CTNNBIP1: variants seen among roughly 807,000 people sequenced by gnomAD.
The protein encoded by CTNNBIP1 is beta-catenin-interacting protein 1.
A neutral mutation model predicts 11.8 loss-of-function variants in CTNNBIP1; 7 were observed. That is an observed-to-expected ratio of 0.60 (90% CI 0.34 to 1.12). The LOEUF (loss-of-function observed/expected upper bound fraction) is 1.12, where lower values mean the gene tolerates loss of function less well. CTNNBIP1 is among the 50% of genes most tolerant of loss of function. CTNNBIP1 has a pLI of 0.03. For synonymous variants in CTNNBIP1, 58 were observed against 43.9 expected, an observed-to-expected ratio of 1.32 and a Z score of -1.26; for missense variants, 101 against 113.4, an observed-to-expected ratio of 0.89 and a Z score of 0.50.
intron 1 of CTNNBIP1, among the ~76,000 whole-genome samples, chr1:9,886,828 G>A (rs1639196370): frequency 1.3e-5 from 2 of 152,168 alleles, no homozygotes; most frequent in African/African-American, 4.8e-5. Context: ...TCAAAAAAGG[G>A]AGTGCCAGAG....
rs1023136698 is a variant in CTNNBIP1, at chr1:9,850,375, G to A, written c.*343C>T. 5 of 220,108 alleles carry A rather than the reference G, an allele frequency of 2.3e-5. No homozygotes were observed. Among genetic ancestry groups the A allele is most frequent in the Admixed American group, 1.6e-4 (3 of 18,930 alleles). 13.6% of individuals were successfully genotyped at this position (220,108 alleles called of 1,614,324 possible). ...TGACCTAACTAAAGCACCAGAGCTC[G>A]GAGAGCTTCCAGGGAAGCCAGATAC... On this transcript the variant is annotated 3_prime_UTR_variant, in exon 6 of 6. Coordinates refer to ENST00000377263, the MANE Select transcript of CTNNBIP1 (RefSeq NM_020248.3).
Position 9,871,937 on chromosome 1 carries a change from G to A in CTNNBIP1, c.96+32C>T, listed in dbSNP as rs1282832401. On this transcript the variant is annotated intron_variant, in intron 4 of 5. Coordinates refer to ENST00000377263, the MANE Select transcript of CTNNBIP1 (RefSeq NM_020248.3). The surrounding 1 kb of genome is among the most constrained non-coding windows in gnomAD (Gnocchi z 5.2). ...CCCTCCCTGGGAGACCCTCCCTGGG[G>A]GCCCGCTGCCTGACACCCCACAGGC... The A allele has an allele frequency of 3.1e-6, 5 of 1,589,438 alleles. No individual in the cohort carries two copies. In the South Asian group the frequency reaches 4.4e-5, roughly 14 times the overall value.
chr1:9,895,251 T>C (rs987717506), intron 1 of CTNNBIP1, among the ~76,000 whole-genome samples: 1 of 151,044 alleles, frequency 6.6e-6, no homozygotes, highest in Non-Finnish European at 1.5e-5. Context: ...CACGCTGGAA[T>C]GTAATGGCAC....
Position 9,849,169 on chromosome 1 carries a change from G to T in CTNNBIP1, c.*1549C>A, listed in dbSNP as rs958254303. On this transcript the variant is annotated 3_prime_UTR_variant, in exon 6 of 6. Transcript: ENST00000377263. The stretch of plus-strand genomic sequence containing the variant: ...GAGGACCACCTCCCTCCCAGGGAAG[G>T]GGGTGGCAGGTGGAAGGACTTAGGT... 1 of 152,316 alleles carries T rather than the reference G, an allele frequency of 6.6e-6. No individual in the cohort carries two copies. Among genetic ancestry groups the T allele is most frequent in the Non-Finnish European group, 1.5e-5 (1 of 68,134 alleles). 9.4% of individuals were successfully genotyped at this position (152,316 alleles called of 1,614,324 possible).
rs1638859344 is a variant in CTNNBIP1 at position 9,871,429 on chromosome 1, G to A, written c.97-152C>T. 4.5e-6 allele frequency: 3 copies of A among 673,780 alleles called. No homozygotes were observed. Among genetic ancestry groups the A allele is most frequent in the Non-Finnish European group, 7.9e-6 (3 of 380,568 alleles). The allele number at this position is 673,780 out of a possible 1,614,324, so 41.7% of individuals were successfully genotyped here. ...GAGATTTGACCCCTTTGCTTTCAGG[G>A]CCAGCCCACCCCACTCCCACCCTCC... is the stretch of plus-strand genomic sequence containing the variant. On this transcript the variant is annotated intron_variant, in intron 4 of 5. Coordinates refer to ENST00000377263, the MANE Select transcript of CTNNBIP1 (RefSeq NM_020248.3). This position sits in a 1 kb window ranked among gnomAD's most constrained non-coding sequence, Gnocchi z 5.2.
intron 1 of CTNNBIP1, among the ~76,000 whole-genome samples, chr1:9,905,218 C>A (rs1393359480): frequency 1.3e-5 from 2 of 152,142 alleles, no homozygotes; most frequent in African/African-American, 4.8e-5. Flanking sequence ...ACAAATTTGG[C>A]CCCTGCTGAT....
intron 3 of CTNNBIP1, among the ~76,000 whole-genome samples, chr1:9,876,818 GAC>G (rs1472795255): frequency 6.8e-6 from 1 of 147,766 alleles, no homozygotes; most frequent in Non-Finnish European, 1.5e-5. Flanking sequence ...CTTCAATTTA[GAC>G]ACAGAGACAC....
At chr1:9,861,279 A>G (rs1638620299) in intron 5 of CTNNBIP1, among the ~76,000 whole-genome samples, 2 of 152,224 alleles carry the variant, frequency 1.3e-5, no homozygotes, top group South Asian at 4.1e-4. Context: ...CAGGACCCAG[A>G]CGCTCCTCCA....
In CTNNBIP1 at chr1:9,872,041, C is replaced by A. The variant is rs540128078; in HGVS notation, c.24G>T (p.Gly8=). 4 of 1,614,190 alleles carry A rather than the reference C, an allele frequency of 2.5e-6. No homozygotes were observed. The highest frequency in any genetic ancestry group is 2.5e-6 in the Non-Finnish European group (3 of 1,179,998). MNREGAP[G]KSPEEMYIQQ... ...GAATGTACATCTCCTCCGGACTCTT[C>A]CCGGGAGCTCCCTCGCGGTTCATCC... The change falls in exon 4 of 6, where the codon GGG becomes GGT. Residue 8 remains glycine, a synonymous_variant. Coordinates refer to ENST00000377263, the MANE Select transcript of CTNNBIP1 (RefSeq NM_020248.3). This position sits in a 1 kb window ranked among gnomAD's most constrained non-coding sequence, Gnocchi z 4.0.
At chr1:9,907,379 C>T (rs1010384199) in intron 1 of CTNNBIP1, among the ~76,000 whole-genome samples, 12 of 152,118 alleles carry the variant, frequency 7.9e-5, no homozygotes, top group Admixed American at 6.5e-4. Context: ...CCATGTTGCC[C>T]AGGCTGGTCT....
Position 9,859,803 on chromosome 1 carries a change from A to G in CTNNBIP1, c.188-9027T>C, listed in dbSNP as rs1254382515. On this transcript the variant is annotated intron_variant, in intron 5 of 5. Transcript: ENST00000377263. ...AAATCCTGGCGGAGCCTAGTGCTGC[A>G]CTAGCTCCTAATTTGCAAACTTGGA... Among the ~76,000 whole-genome samples, 3 of 152,342 alleles carry G rather than the reference A, an allele frequency of 2.0e-5. No homozygotes were observed. The East Asian group carries it at 5.8e-4, about 29-fold the overall frequency.
At chr1:9,861,132 G>A (rs943953347) in intron 5 of CTNNBIP1, among the ~76,000 whole-genome samples, 3 of 152,188 alleles carry the variant, frequency 2.0e-5, no homozygotes, top group Non-Finnish European at 4.4e-5. Context: ...TGACCATATG[G>A]TTTTTGGTTG....
chr1:9,902,596 C>A (rs974191828), intron 1 of CTNNBIP1, among the ~76,000 whole-genome samples: 1 of 152,124 alleles, frequency 6.6e-6, no homozygotes, highest in African/African-American at 2.4e-5. Flanking sequence ...AATGTCCACT[C>A]AGGGCAGGTA....
intron 5 of CTNNBIP1, among the ~76,000 whole-genome samples, chr1:9,862,144 T>C (rs927927655): frequency 6.6e-6 from 1 of 152,124 alleles, no homozygotes; most frequent in African/African-American, 2.4e-5. Context: ...CCCCAAAATA[T>C]AAGCTCTCAT....
chr1:9,864,474 G>A lies in CTNNBIP1; in HGVS notation c.187+6713C>T, dbSNP rs536286090. ...CTCCTGAGTAGCCAGGACTACAGGCGCCCGCCACCACGCCCGGCTAATTTT... is the reference window on the plus strand; with the variant it reads ...CTCCTGAGTAGCCAGGACTACAGGCACCCGCCACCACGCCCGGCTAATTTT... On this transcript the variant is annotated intron_variant, in intron 5 of 5. Coordinates refer to ENST00000377263, the MANE Select transcript of CTNNBIP1 (RefSeq NM_020248.3). Among the ~76,000 whole-genome samples, 289 of 152,276 alleles carry A rather than the reference G, an allele frequency of 1.9e-3. 4 individuals carry two copies. Among genetic ancestry groups the A allele is most frequent in the Non-Finnish European group, 2.8e-3 (193 of 68,010 alleles).
At chr1:9,864,108 C>A (rs943849101) in intron 5 of CTNNBIP1, among the ~76,000 whole-genome samples, 3 of 152,184 alleles carry the variant, frequency 2.0e-5, no homozygotes, top group African/African-American at 7.2e-5. Flanking sequence ...GCTGGGGGAA[C>A]CTTCCCTGGA....
chr1:9,859,083 C>T (rs1014605265), intron 5 of CTNNBIP1, among the ~76,000 whole-genome samples: 3 of 152,180 alleles, frequency 2.0e-5, no homozygotes, highest in Non-Finnish European at 4.4e-5. Context: ...GAGTGCCAAC[C>T]TGGGAACAGC....
At chr1:9,882,413 A>T (rs1390136473) in intron 2 of CTNNBIP1, among the ~76,000 whole-genome samples, 1 of 152,218 alleles carries the variant, frequency 6.6e-6, no homozygotes, top group Non-Finnish European at 1.5e-5. Flanking sequence ...ATGAAGGTTA[A>T]GTTTGAGTCG....
At chr1:9,882,941 C>T (rs147044384) in intron 2 of CTNNBIP1, among the ~76,000 whole-genome samples, 17 of 152,224 alleles carry the variant, frequency 1.1e-4, no homozygotes, top group East Asian at 1.9e-4. Flanking sequence ...AAGCTAGTTC[C>T]GGGAAACATC....
Sources: gnomAD v4.1 joint callset for allele counts (sites outside exome capture counted in the v4.1 genomes callset) on GRCh38, gnomAD v4.1.1 for gene constraint, Gnocchi (gnomAD v3.1) non-coding constraint, MANE v1.5 for transcripts, NCBI Gene and HGNC (gene_info 2026-07-23, HGNC 2026-07-21) for gene names.